Variants in ASH1L observed in about 807,000 individuals in gnomAD.
The protein encoded by ASH1L is ASH1 like histone lysine methyltransferase.
A neutral mutation model predicts 269.0 loss-of-function variants in ASH1L; 23 were observed. That is an observed-to-expected ratio of 0.09 (90% confidence interval 0.06 to 0.12). ASH1L has a LOEUF of 0.12. Ranked by LOEUF, ASH1L falls within the 10% of genes least tolerant of loss-of-function variation. ASH1L has a pLI of 1.00. For synonymous variants in ASH1L, 1,187 were observed against 1,253.5 expected, an observed-to-expected ratio of 0.95 and a Z score of 1.12; for missense variants, 2,912 against 3,567.8, an observed-to-expected ratio of 0.82 and a Z score of 4.68.
chr1:155,422,812 G>A (rs1356727959), intron 5 of ASH1L, among the ~76,000 whole-genome samples: 1 of 151,692 alleles, frequency 6.6e-6, no homozygotes, highest in Non-Finnish European at 1.5e-5. Flanking sequence ...ACCACGCCTG[G>A]CTATTTTTTT....
intron 7 of ASH1L, among the ~76,000 whole-genome samples, chr1:155,386,711 G>T (rs955537798): frequency 2.6e-5 from 4 of 151,232 alleles, no homozygotes; most frequent in African/African-American, 9.7e-5. Flanking sequence ...CTTCTCAATG[G>T]TTTTTTTTCT....
intron 17 of ASH1L, 28 bp downstream of exon 17, chr1:155,352,678 G>T (rs574468247): frequency 1.6e-5 from 24 of 1,547,988 alleles, no homozygotes; most frequent in Non-Finnish European, 2.0e-5. Flanking sequence ...AAGAAAAAAA[G>T]AACGAATTTG....
chr1:155,500,933 A>C (rs1170492317), intron 2 of ASH1L, among the ~76,000 whole-genome samples: 1 of 152,104 alleles, frequency 6.6e-6, no homozygotes. Context: ...GCACCACTGC[A>C]CTCCAGCCTG....
At chr1:155,349,654 C>A in intron 17 of ASH1L, 58 bp from the exon 18 acceptor site, 1 of 1,455,592 alleles carries the variant, frequency 6.9e-7, no homozygotes, top group South Asian at 1.2e-5. Flanking sequence ...AGGCAAGCAT[C>A]TCCTAACTGG....
rs1409715624 is a variant in ASH1L at position 155,562,502 on chromosome 1, G to A, written c.-449C>T. 7 of 1,497,894 alleles carry A rather than the reference G, an allele frequency of 4.7e-6. No individual in the cohort carries two copies. The highest frequency in any genetic ancestry group is 2.7e-6 in the Non-Finnish European group (3 of 1,111,192). 92.8% of individuals were successfully genotyped at this position (1,497,894 alleles called of 1,614,324 possible). A position where few individuals can be genotyped will look rare whatever the true frequency, so the allele number is the denominator to read the frequency against. On this transcript the variant is annotated 5_prime_UTR_variant, in exon 1 of 28. Transcript: ENST00000392403. Reference sequence around the variant, plus strand: ...CTCCTCCAGAGGGAGGGAGCGAAGGGCGCCTAGCGCCCCCCTCAACCTTCC... The same window carrying A: ...CTCCTCCAGAGGGAGGGAGCGAAGGACGCCTAGCGCCCCCCTCAACCTTCC...
rs556286033 is a variant in ASH1L, at chr1:155,429,245, G to C, written c.5828+9082C>G. ...GAGCAAAAAAAGGTGAGACACAATA[G>C]TATATGTCCTCTGTAATTAATTTTG... On this transcript the variant is annotated intron_variant, in intron 5 of 27. Coordinates refer to ENST00000392403, the MANE Select transcript of ASH1L (RefSeq NM_018489.3). Among the ~76,000 whole-genome samples, 501 of 152,256 alleles carry C rather than the reference G, an allele frequency of 3.3e-3. 3 individuals are homozygous for C. Among genetic ancestry groups the C allele is most frequent in the African/African-American group, 0.012 (484 of 41,538 alleles).
At chr1:155,490,783 C>T (rs1337843481) in intron 2 of ASH1L, among the ~76,000 whole-genome samples, 1 of 151,510 alleles carries the variant, frequency 6.6e-6, no homozygotes, top group Non-Finnish European at 1.5e-5. Flanking sequence ...ACAGGGAGAC[C>T]CCCTTCTCTA....
intron 5 of ASH1L, among the ~76,000 whole-genome samples, chr1:155,419,872 T>G (rs1197863748): frequency 6.6e-6 from 1 of 152,198 alleles, no homozygotes; most frequent in Non-Finnish European, 1.5e-5. Flanking sequence ...TGTGATTGTC[T>G]ATATAAAAAC....
chr1:155,508,509 T>G (rs974209370), intron 2 of ASH1L, among the ~76,000 whole-genome samples: 1 of 152,084 alleles, frequency 6.6e-6, no homozygotes, highest in Non-Finnish European at 1.5e-5. Flanking sequence ...CATGATGGCA[T>G]TCACCTGTAA....
intron 5 of ASH1L, among the ~76,000 whole-genome samples, chr1:155,436,560 A>G (rs1270322244): frequency 7.5e-6 from 1 of 132,980 alleles, no homozygotes; most frequent in Non-Finnish European, 1.5e-5. Flanking sequence ...GCAGTGGCGC[A>G]ATCTCGGCTC....
intron 1 of ASH1L, among the ~76,000 whole-genome samples, chr1:155,556,471 G>C (rs1468495330): frequency 6.6e-6 from 1 of 151,404 alleles, no homozygotes; most frequent in African/African-American, 2.4e-5. Context: ...TTGAGACAGA[G>C]TTTCACTCTG....
intron 5 of ASH1L, chr1:155,433,838 A>G: frequency 6.2e-7 from 1 of 1,606,874 alleles, no homozygotes; most frequent in South Asian, 1.1e-5. Flanking sequence ...TCTTCAGGAG[A>G]CATGCAAAGC....
intron 4 of ASH1L, among the ~76,000 whole-genome samples, chr1:155,442,206 A>G (rs1377689731): frequency 6.6e-6 from 1 of 152,138 alleles, no homozygotes; most frequent in Non-Finnish European, 1.5e-5. Flanking sequence ...TTATGCAGCA[A>G]TGGACAACTG....
At position 155,562,187 on chromosome 1, in the gene ASH1L, G is replaced by A; in HGVS notation, c.-134C>T. 6.2e-7 allele frequency: 1 copy of A among 1,603,730 alleles called. No homozygotes were observed. ...GGCCGAGGCCGAGGCCGAGAGCGAT[G>A]AGAGTGCAGGGAAGTGGGGAAGAGG... On this transcript the variant is annotated 5_prime_UTR_variant, in exon 1 of 28. Coordinates refer to ENST00000392403, the MANE Select transcript of ASH1L (RefSeq NM_018489.3).
chr1:155,431,221 T>A lies in ASH1L; in HGVS notation c.5828+7106A>T, dbSNP rs569934621. Among the ~76,000 whole-genome samples, 41 of 150,458 alleles carry A rather than the reference T, an allele frequency of 2.7e-4. No individual in the cohort carries two copies. The East Asian group carries it at 6.4e-3, about 24-fold the overall frequency. ...TGCCGTCTCAACAACAACAAAAATA[T>A]ATATATATATAATATTTACATATAA... On this transcript the variant is annotated intron_variant, in intron 5 of 27. Transcript: ENST00000392403.
chr1:155,403,026 A>G (rs968408744), intron 6 of ASH1L, among the ~76,000 whole-genome samples: 13 of 151,988 alleles, frequency 8.6e-5, no homozygotes, highest in African/African-American at 3.1e-4. Context: ...AAAAAAAAAA[A>G]ATACACAAAT....
chr1:155,347,621 A>T (rs1208747224), intron 20 of ASH1L, 35 bp downstream of exon 20: 1 of 1,610,502 alleles, frequency 6.2e-7, no homozygotes, highest in East Asian at 2.2e-5. Flanking sequence ...CGTGTTCATC[A>T]GGACCAAGCT....
Position 155,339,314 on chromosome 1 carries a change from C to A in ASH1L, c.8501+14G>T. On this transcript the variant is annotated intron_variant, in intron 26 of 27. Coordinates refer to ENST00000392403, the MANE Select transcript of ASH1L (RefSeq NM_018489.3). Reference sequence around the variant, plus strand: ...CAATCCCTTAGGATCCTCATATCCCCCCATGGGACTTACCGTCCTCCATTC... The same window carrying A: ...CAATCCCTTAGGATCCTCATATCCCACCATGGGACTTACCGTCCTCCATTC... 4 of 1,612,664 alleles carry A rather than the reference C, an allele frequency of 2.5e-6. No homozygotes were observed. The highest frequency in any genetic ancestry group is 2.5e-6 in the Non-Finnish European group (3 of 1,178,722).
intron 5 of ASH1L, chr1:155,434,408 T>C (rs1661904782): frequency 9.7e-7 from 1 of 1,032,902 alleles, no homozygotes; most frequent in South Asian, 1.6e-5. Flanking sequence ...GCAGGGGAGT[T>C]TGGGGCAACT....
Sources: allele counts gnomAD v4.1 joint callset (sites outside exome capture counted in the v4.1 genomes callset), GRCh38; gene constraint gnomAD v4.1.1; transcripts MANE v1.5; gene names NCBI Gene and HGNC (gene_info 2026-07-23, HGNC 2026-07-21).